Variants in NOX4 observed in about 807,000 individuals in gnomAD.
NOX4 encodes kidney oxidase-1.
NOX4 carries 69 observed loss-of-function variants against 87.6 expected under a neutral mutation model. The ratio of observed to expected loss-of-function variants is 0.79; its 90% confidence interval spans 0.65 to 0.96. The LOEUF is 0.96. Among genes scored for constraint, NOX4 ranks in the 40% least tolerant of loss-of-function variants. NOX4 has a pLI of 0.00. For synonymous variants in NOX4, 275 were observed against 238.2 expected (o/e 1.15, Z -1.42); for missense variants, 680 against 681.5 (o/e 1.00, Z 0.02).
At chr11:89,540,786 TAAAAAAAAAAAAAAAAAAAAAAAAAAA>T in the NOX4 span, among the ~76,000 whole-genome samples, 3,143 of 43,546 alleles carry the variant, frequency 0.072, 109 homozygotes, top group Middle Eastern at 0.25. Context: ...AGACTCCGTC[TAAAAAAAAAAAAAAAAAAAAAAAAAAA>T]AAAAAAAAAA....
chr11:89,511,515 G>T, the NOX4 span, among the ~76,000 whole-genome samples: 1 of 151,868 alleles, frequency 6.6e-6, no homozygotes, highest in Admixed American at 6.6e-5. Flanking sequence ...TACTGGTGGG[G>T]TATTACATAA....
At chr11:89,541,167 T>A in the NOX4 span, among the ~76,000 whole-genome samples, 1 of 152,188 alleles carries the variant, frequency 6.6e-6, no homozygotes, top group Non-Finnish European at 1.5e-5. Context: ...AGTTCATTTC[T>A]CCATATTATA....
chr11:89,470,482 A>G (rs553424143), intron 2 of NOX4, among the ~76,000 whole-genome samples: 24 of 152,314 alleles, frequency 1.6e-4, no homozygotes, highest in African/African-American at 5.5e-4. Flanking sequence ...CCCTTATTTT[A>G]GAAAAAGAGA....
chr11:89,458,037 C>T (rs981225248), intron 2 of NOX4, among the ~76,000 whole-genome samples: 6 of 151,728 alleles, frequency 4.0e-5, no homozygotes, highest in African/African-American at 1.2e-4. Flanking sequence ...TGCCAGTCAT[C>T]ACAGAATTAG....
intron 2 of NOX4, among the ~76,000 whole-genome samples, chr11:89,455,858 C>T (rs1945175179): frequency 6.6e-6 from 1 of 151,516 alleles, no homozygotes; most frequent in South Asian, 2.1e-4. Context: ...TGAGTGAATA[C>T]ACATATGGGA....
chr11:89,503,119 G>A (rs1947039394), upstream of NOX4, among the ~76,000 whole-genome samples: 1 of 151,964 alleles, frequency 6.6e-6, no homozygotes, highest in Non-Finnish European at 1.5e-5. Context: ...TAGAGTAAGT[G>A]TTCGATAAAT....
chr11:89,400,138 A>T, intron 10 of NOX4, 59 bp from the exon 11 acceptor site: 1 of 1,579,398 alleles, frequency 6.3e-7, no homozygotes, highest in Non-Finnish European at 8.7e-7. Flanking sequence ...AACTATTTCA[A>T]TGATGCTATG....
the NOX4 span, among the ~76,000 whole-genome samples, chr11:89,581,473 C>T: frequency 6.6e-6 from 1 of 152,108 alleles, no homozygotes; most frequent in African/African-American, 2.4e-5. Flanking sequence ...AATTGAATTT[C>T]CTTTTTCTTA....
chr11:89,370,780 A>C (rs555474809), intron 12 of NOX4, among the ~76,000 whole-genome samples: 16 of 152,016 alleles, frequency 1.1e-4, no homozygotes, highest in Non-Finnish European at 2.2e-4. Context: ...GTGAAAATGA[A>C]AATCTAGACA....
chr11:89,522,339 G>T, the NOX4 span, among the ~76,000 whole-genome samples: 1 of 152,124 alleles, frequency 6.6e-6, no homozygotes, highest in Admixed American at 6.6e-5. Context: ...GCCATAAAAA[G>T]AAATTATGTC....
chr11:89,385,629 C>T (rs1358092011), intron 11 of NOX4, among the ~76,000 whole-genome samples: 1 of 152,194 alleles, frequency 6.6e-6, no homozygotes, highest in African/African-American at 2.4e-5. Context: ...GGAAATCTAT[C>T]CTCAAGGAAA....
At chr11:89,360,225 G>A (rs1158571420) in intron 12 of NOX4, among the ~76,000 whole-genome samples, 1 of 152,024 alleles carries the variant, frequency 6.6e-6, no homozygotes, top group Non-Finnish European at 1.5e-5. Context: ...TTATCAGAGA[G>A]TATACATGAG....
At chr11:89,396,630 C>A (rs1941507734) in intron 11 of NOX4, among the ~76,000 whole-genome samples, 1 of 151,900 alleles carries the variant, frequency 6.6e-6, no homozygotes, top group Admixed American at 6.6e-5. Context: ...GAAGATCTAC[C>A]AAGCAAATGG....
chr11:89,363,327 T>C (rs867629574), intron 12 of NOX4, among the ~76,000 whole-genome samples: 1 of 152,066 alleles, frequency 6.6e-6, no homozygotes, highest in Non-Finnish European at 1.5e-5. Flanking sequence ...GAAAATAAAA[T>C]CAATATTTTG....
intron 7 of NOX4, among the ~76,000 whole-genome samples, chr11:89,422,232 T>A (rs909488115): frequency 1.3e-5 from 2 of 152,120 alleles, no homozygotes; most frequent in African/African-American, 2.4e-5. Context: ...ATAATAAAAA[T>A]AAGTTGTTTA....
chr11:89,558,764 A>G, the NOX4 span, among the ~76,000 whole-genome samples: 2 of 152,112 alleles, frequency 1.3e-5, no homozygotes, highest in East Asian at 1.9e-4. Context: ...CCTTTCTTCA[A>G]TTGTCAGATT....
At chr11:89,520,760 T>A in the NOX4 span, among the ~76,000 whole-genome samples, 1 of 152,132 alleles carries the variant, frequency 6.6e-6, no homozygotes, top group Admixed American at 6.6e-5. Context: ...ACTATCTCTC[T>A]TCACTGATGA....
chr11:89,438,611 ATATATAG>A, intron 6 of NOX4, among the ~76,000 whole-genome samples: 1 of 84,074 alleles, frequency 1.2e-5, no homozygotes, highest in South Asian at 3.9e-4. Flanking sequence ...ACTATATATA[ATATATAG>A]TATATATTAT....
chr11:89,324,374 C>G lies in NOX4; in HGVS notation c.*2382G>C, dbSNP rs113419717. ...ACCATTTCAATTTTAACATTTATTG[C>G]TACTAAAATTAGTGATTTAAGGCTT... is the stretch of plus-strand genomic sequence containing the variant. On this transcript the variant is annotated 3_prime_UTR_variant, in exon 18 of 18. Transcript: ENST00000263317. The G allele has an allele frequency of 5.9e-5, 9 of 152,110 alleles. No homozygotes were observed. The highest frequency in any genetic ancestry group is 1.2e-4 in the Non-Finnish European group (8 of 68,036). 9.4% of individuals were successfully genotyped at this position (152,110 alleles called of 1,614,324 possible).
Sources: allele counts gnomAD v4.1 joint callset (sites outside exome capture counted in the v4.1 genomes callset), GRCh38; gene constraint gnomAD v4.1.1; transcripts MANE v1.5; gene names NCBI Gene and HGNC (gene_info 2026-07-23, HGNC 2026-07-21).